Variants in C4orf51 observed in about 807,000 individuals in gnomAD.
C4orf51 encodes the protein uncharacterized protein C4orf51.
In C4orf51, 25 loss-of-function variants were observed where a neutral mutation model predicts 25.2. The observed-to-expected ratio is 0.99, with a 90% CI of 0.72 to 1.39. The LOEUF (loss-of-function observed/expected upper bound fraction) is 1.39. Ranked by LOEUF, C4orf51 falls within the 40% of genes most tolerant of loss-of-function variation. The pLI, the probability that C4orf51 is intolerant of heterozygous loss-of-function variation, is 0.00. For synonymous variants in C4orf51, 100 were observed against 84.5 expected, an observed-to-expected ratio of 1.18 and a Z score of -1.01; for missense variants, 252 against 239.6, an observed-to-expected ratio of 1.05 and a Z score of -0.34.
chr4:145,725,766 G>C (rs1042724278), intron 2 of C4orf51, among the ~76,000 whole-genome samples: 3 of 152,068 alleles, frequency 2.0e-5, no homozygotes, highest in Non-Finnish European at 2.9e-5. Context: ...TGGTTTTCTA[G>C]TGCTGGTGGT....
chr4:145,788,088 G>C, the C4orf51 span, among the ~76,000 whole-genome samples: 1 of 152,246 alleles, frequency 6.6e-6, no homozygotes, highest in Admixed American at 6.5e-5. Flanking sequence ...GCTCCTCTAA[G>C]CCATATGAAA....
At chr4:145,696,377 TA>T (rs113064941) in intron 1 of C4orf51, among the ~76,000 whole-genome samples, 181 bp from the exon 2 acceptor site, 123 of 152,250 alleles carry the variant, frequency 8.1e-4, no homozygotes, top group African/African-American at 2.8e-3. Context: ...GGTGATGAAG[TA>T]ATCTGTACAA....
downstream of C4orf51, among the ~76,000 whole-genome samples, chr4:145,756,017 T>C (rs1413483496): frequency 6.6e-6 from 1 of 152,190 alleles, no homozygotes; most frequent in Non-Finnish European, 1.5e-5. Flanking sequence ...AAGCACCTCT[T>C]GGCTCTCCTT....
At chr4:145,769,538 A>G (rs1421136045) in intron 1 of C4orf51, among the ~76,000 whole-genome samples, 1 of 152,260 alleles carries the variant, frequency 6.6e-6, no homozygotes, top group Non-Finnish European at 1.5e-5. Flanking sequence ...TAATAAATGT[A>G]TAAAGATACA....
chr4:145,683,392 C>T (rs1370226385), intron 1 of C4orf51, among the ~76,000 whole-genome samples: 1 of 152,086 alleles, frequency 6.6e-6, no homozygotes, highest in Non-Finnish European at 1.5e-5. Context: ...TTCTGAATAT[C>T]AACAAACTAA....
At position 145,765,845 on chromosome 4, in the gene C4orf51, G is replaced by T; in HGVS notation, n.167-5143G>T. 8.5e-7 allele frequency: 1 copy of T among 1,175,106 alleles called. No homozygotes were observed. The highest frequency in any genetic ancestry group is 1.2e-6 in the Non-Finnish European group (1 of 846,612). 72.8% of individuals were successfully genotyped at this position (1,175,106 alleles called of 1,614,324 possible). ...CTCATGGATGCATCATCATTCTGGG[G>T]GCACAGGCTCATGTCCCCAGCTCCC... On this transcript the variant is annotated intron_variant and non_coding_transcript_variant, in intron 1 of 1. Coordinates refer to the C4orf51 transcript ENST00000510096. This position sits in a 1 kb window ranked among gnomAD's most constrained non-coding sequence, Gnocchi z 4.7.
rs534505170 is a variant in C4orf51 at position 145,762,749 on chromosome 4, T to C, written n.167-8239T>C. On this transcript the variant is annotated intron_variant and non_coding_transcript_variant, in intron 1 of 1. Transcript: ENST00000510096. This position sits in a 1 kb window ranked among gnomAD's most constrained non-coding sequence, Gnocchi z 4.9. ...GTGAGGCCATGTTAACAAACTCTGC[T>C]GAGCCTCTCTTTTAGAAGCTGCCAG... is the stretch of plus-strand genomic sequence containing the variant. 6.6e-6 allele frequency among the ~76,000 whole-genome samples: 1 copy of C among 152,366 alleles called. No homozygotes were observed. The highest frequency in any genetic ancestry group is 2.1e-4 in the South Asian group (1 of 4,828).
chr4:145,774,753 A>C, downstream of C4orf51: 3 of 1,430,100 alleles, frequency 2.1e-6, no homozygotes, highest in South Asian at 4.0e-5. Context: ...ATTTATACAC[A>C]GTACACTCAA....
At chr4:145,777,629 CT>C in the C4orf51 span, among the ~76,000 whole-genome samples, 1 of 152,230 alleles carries the variant, frequency 6.6e-6, no homozygotes, top group Non-Finnish European at 1.5e-5. Context: ...ATTAGGTTTC[CT>C]TTTTCATTCC....
At chr4:145,681,206 C>T (rs1728820945) in intron 1 of C4orf51, among the ~76,000 whole-genome samples, 2 of 152,114 alleles carry the variant, frequency 1.3e-5, no homozygotes, top group African/African-American at 4.8e-5. Context: ...GAAATCTATC[C>T]ATCTGTATAT....
intron 2 of C4orf51, among the ~76,000 whole-genome samples, chr4:145,697,381 AGCCACCAT>A (rs1730140814): frequency 6.6e-6 from 1 of 152,138 alleles, no homozygotes; most frequent in South Asian, 2.1e-4. Flanking sequence ...TACAAGCGTA[AGCCACCAT>A]GCCTGGCTCT....
chr4:145,696,708 T>A, intron 2 of C4orf51, 76 bp downstream of exon 2: 1 of 1,091,406 alleles, frequency 9.2e-7, no homozygotes, highest in Non-Finnish European at 1.4e-6. Flanking sequence ...TTCTTTTTTT[T>A]TCTCTCACTT....
chr4:145,705,089 G>A (rs1730712640), intron 2 of C4orf51, among the ~76,000 whole-genome samples: 1 of 152,230 alleles, frequency 6.6e-6, no homozygotes, highest in African/African-American at 2.4e-5. Flanking sequence ...AGGAGAGCAT[G>A]CACAGTGTGT....
chr4:145,712,411 C>CA (rs1418936333), intron 2 of C4orf51, among the ~76,000 whole-genome samples: 2 of 152,140 alleles, frequency 1.3e-5, no homozygotes. Flanking sequence ...AGTGAACGCA[C>CA]AAATGATAAG....
At chr4:145,740,622 A>G (rs1412238398) in intron 1 of C4orf51, among the ~76,000 whole-genome samples, 2 of 152,176 alleles carry the variant, frequency 1.3e-5, no homozygotes, top group Admixed American at 6.5e-5. Flanking sequence ...TCTAGAGAAC[A>G]TGTGACAAGT....
intron 1 of C4orf51, among the ~76,000 whole-genome samples, chr4:145,750,686 A>G (rs1206693010): frequency 2.0e-5 from 3 of 151,976 alleles, no homozygotes; most frequent in Admixed American, 1.3e-4. Context: ...ATCTTTCTCT[A>G]GGTTTGGGAA....
At chr4:145,739,202 A>G (rs970290994) in intron 1 of C4orf51, among the ~76,000 whole-genome samples, 1 of 152,214 alleles carries the variant, frequency 6.6e-6, no homozygotes, top group Non-Finnish European at 1.5e-5. Context: ...TACTTTGTCC[A>G]CTCATTTAGT....
chr4:145,683,489 C>T (rs1728956098), intron 1 of C4orf51, among the ~76,000 whole-genome samples: 1 of 152,138 alleles, frequency 6.6e-6, no homozygotes, highest in East Asian at 1.9e-4. Context: ...CTGACACTAC[C>T]CAACTTTAAT....
intron 1 of C4orf51, among the ~76,000 whole-genome samples, chr4:145,741,969 G>C (rs558130005): frequency 6.6e-6 from 1 of 152,306 alleles, no homozygotes; most frequent in East Asian, 1.9e-4. Context: ...CCAAAGTGCT[G>C]AGATTACAGA....
Sources: allele counts gnomAD v4.1 joint callset (sites outside exome capture counted in the v4.1 genomes callset), GRCh38; gene constraint gnomAD v4.1.1; non-coding constraint Gnocchi (gnomAD v3.1); transcripts MANE v1.5; gene names NCBI Gene and HGNC (gene_info 2026-07-23, HGNC 2026-07-21).